KLRG1: variants seen among roughly 807,000 people sequenced by gnomAD.
The protein encoded by KLRG1 is killer cell lectin-like receptor subfamily G member 1.
Under a neutral mutation model 21.8 loss-of-function variants are expected in KLRG1, and 16 were observed. That is an observed-to-expected ratio of 0.73 (90% confidence interval 0.50 to 1.11). The LOEUF (loss-of-function observed/expected upper bound fraction) is 1.11, where lower values mean the gene tolerates loss of function less well. KLRG1 is among the 50% of genes most tolerant of loss of function. The pLI is 0.00. For synonymous variants in KLRG1, 69 were observed against 75.9 expected, an observed-to-expected ratio of 0.91 and a Z score of 0.47; for missense variants, 173 against 218.3, an observed-to-expected ratio of 0.79 and a Z score of 1.31.
the KLRG1 span, chr12:9,168,660 C>T: frequency 2.2e-6 from 1 of 461,340 alleles, no homozygotes; most frequent in Non-Finnish European, 3.8e-6. Context: ...TGATTTTGTG[C>T]CCTGAAGTAT....
At chr12:9,088,891 A>T in the KLRG1 span, among the ~76,000 whole-genome samples, 1 of 152,184 alleles carries the variant, frequency 6.6e-6, no homozygotes, top group Admixed American at 6.5e-5. Flanking sequence ...TATTTAAGGA[A>T]ACATCCCTTT....
At chr12:9,139,203 G>A in the KLRG1 span, among the ~76,000 whole-genome samples, 1 of 152,014 alleles carries the variant, frequency 6.6e-6, no homozygotes, top group Non-Finnish European at 1.5e-5. Flanking sequence ...TCAAGAGTCT[G>A]TTGTTTAATA....
the KLRG1 span, among the ~76,000 whole-genome samples, chr12:9,189,574 A>T: frequency 6.6e-6 from 1 of 152,218 alleles, no homozygotes; most frequent in African/African-American, 2.4e-5. Flanking sequence ...TTCTGGACAC[A>T]GGAACTGCAA....
chr12:9,083,575 T>TA, the KLRG1 span, among the ~76,000 whole-genome samples: 1 of 151,322 alleles, frequency 6.6e-6, no homozygotes, highest in African/African-American at 2.4e-5. Context: ...AGCTCAAAGA[T>TA]AGAGTATTTG....
chr12:9,200,322 G>T, the KLRG1 span: 1 of 1,438,468 alleles, frequency 7.0e-7, no homozygotes, highest in Non-Finnish European at 9.7e-7. Flanking sequence ...CCTCAAAATT[G>T]AGGCAAAATA....
the KLRG1 span, chr12:9,066,186 G>T: frequency 2.0e-5 from 3 of 152,462 alleles, no homozygotes; most frequent in Admixed American, 1.3e-4. Flanking sequence ...AAGGTTAAAA[G>T]AGCTGTAACA....
the KLRG1 span, chr12:9,077,278 A>G: frequency 7.2e-7 from 1 of 1,393,070 alleles, no homozygotes; most frequent in Non-Finnish European, 1.0e-6. Flanking sequence ...ATAGTATTTC[A>G]GACAGCAGGT....
At chr12:8,969,232 A>G (rs1293433440) in intron 1 of KLRG1, among the ~76,000 whole-genome samples, 1 of 152,206 alleles carries the variant, frequency 6.6e-6, no homozygotes, top group Non-Finnish European at 1.5e-5. Flanking sequence ...GGGAAAGAGG[A>G]GGGTGCAGTG....
At chr12:9,188,108 T>C in the KLRG1 span, among the ~76,000 whole-genome samples, 131,815 of 152,090 alleles carry the variant, frequency 0.87, 57,825 homozygotes, top group East Asian at 0.98. Flanking sequence ...TGATGAACAT[T>C]GATGCGAAAA....
the KLRG1 span, among the ~76,000 whole-genome samples, chr12:9,198,774 G>A: frequency 7.9e-5 from 12 of 152,266 alleles, no homozygotes; most frequent in East Asian, 7.7e-4. Context: ...TAGAATCAAA[G>A]CAGCTTATTC....
At chr12:9,068,126 T>C in the KLRG1 span, 1 of 1,572,034 alleles carries the variant, frequency 6.4e-7, no homozygotes, top group Non-Finnish European at 8.7e-7. Flanking sequence ...AGGAGAAGGT[T>C]TGGGGGGCAA....
the KLRG1 span, chr12:9,158,550 A>G: frequency 1.2e-6 from 2 of 1,614,144 alleles, no homozygotes; most frequent in Non-Finnish European, 1.7e-6. Flanking sequence ...AGCCTGGGCG[A>G]AAGTCTTCAG....
At chr12:9,160,840 A>G in the KLRG1 span, among the ~76,000 whole-genome samples, 148,720 of 151,648 alleles carry the variant, frequency 0.98, 73,004 homozygotes, top group Middle Eastern at 1. Flanking sequence ...GCGTGAACCC[A>G]GGAGGCGGAG....
At chr12:9,028,677 C>T in the KLRG1 span, 6 of 429,014 alleles carry the variant, frequency 1.4e-5, no homozygotes, top group Non-Finnish European at 2.2e-5. Flanking sequence ...CTCTTGACCT[C>T]GTGATCCACC....
At chr12:9,145,367 T>C in the KLRG1 span, among the ~76,000 whole-genome samples, 1 of 152,102 alleles carries the variant, frequency 6.6e-6, no homozygotes, top group South Asian at 2.1e-4. Flanking sequence ...TACCTTGGAG[T>C]CTACACAAAA....
At chr12:9,157,069 G>T in the KLRG1 span, 3 of 1,081,256 alleles carry the variant, frequency 2.8e-6, no homozygotes, top group Non-Finnish European at 4.0e-6. Context: ...TATCTATCCT[G>T]ATGCTCTCCC....
At chr12:9,077,068 GAT>G in the KLRG1 span, 1 of 756,010 alleles carries the variant, frequency 1.3e-6, no homozygotes, top group Non-Finnish European at 2.0e-6. Context: ...CTTATCAATA[GAT>G]ATAATATTAT....
the KLRG1 span, among the ~76,000 whole-genome samples, chr12:9,208,871 A>T: frequency 6.6e-6 from 1 of 152,188 alleles, no homozygotes; most frequent in African/African-American, 2.4e-5. Flanking sequence ...AGAGTAGAGG[A>T]TCAATGAAAG....
intron 3 of KLRG1, among the ~76,000 whole-genome samples, chr12:9,004,681 A>G (rs771832343): frequency 1.3e-5 from 2 of 152,136 alleles, no homozygotes; most frequent in East Asian, 1.9e-4. Flanking sequence ...GAGTGTTACT[A>G]TGTTGTCCAG....
Sources: gnomAD v4.1 joint callset for allele counts (sites outside exome capture counted in the v4.1 genomes callset) on GRCh38, gnomAD v4.1.1 for gene constraint, MANE v1.5 for transcripts, NCBI Gene and HGNC (gene_info 2026-07-23, HGNC 2026-07-21) for gene names.